LOC128092252: variants seen among roughly 807,000 people sequenced by gnomAD.
chr15:50,678,553 C>CAT, the LOC128092252 span, among the ~76,000 whole-genome samples: 3,534 of 147,810 alleles, frequency 0.024, 136 homozygotes, highest in African/African-American at 0.082. Flanking sequence ...CACACACACA[C>CAT]ACATATACAT....
the LOC128092252 span, among the ~76,000 whole-genome samples, chr15:50,677,215 A>C: frequency 6.6e-6 from 1 of 152,080 alleles, no homozygotes; most frequent in Non-Finnish European, 1.5e-5. Flanking sequence ...GAGGGAGTGA[A>C]TAAGCTCTCT....
the LOC128092252 span, among the ~76,000 whole-genome samples, chr15:50,677,037 G>A: frequency 1.3e-5 from 2 of 152,078 alleles, no homozygotes; most frequent in South Asian, 2.1e-4. Context: ...TGTCTTAGTC[G>A]GCTTGGGATG....
At chr15:50,649,426 AG>A in the LOC128092252 span, among the ~76,000 whole-genome samples, 1 of 150,514 alleles carries the variant, frequency 6.6e-6, no homozygotes. Flanking sequence ...AGAACAAGCA[AG>A]ACCCCAACTC....
chr15:50,656,499 CTT>C, the LOC128092252 span, among the ~76,000 whole-genome samples: 85 of 133,446 alleles, frequency 6.4e-4, no homozygotes, highest in South Asian at 3.4e-3. Context: ...GTGTGGTTTT[CTT>C]TTTTTTTTTT....
the LOC128092252 span, among the ~76,000 whole-genome samples, chr15:50,653,517 T>C: frequency 6.6e-6 from 1 of 152,134 alleles, no homozygotes; most frequent in Non-Finnish European, 1.5e-5. Flanking sequence ...GAGATAACTG[T>C]TTCAGGCATT....
the LOC128092252 span, among the ~76,000 whole-genome samples, chr15:50,664,549 A>C: frequency 6.6e-6 from 1 of 152,212 alleles, no homozygotes; most frequent in Non-Finnish European, 1.5e-5. Flanking sequence ...TATAATCTTA[A>C]ATATGATTAA....
chr15:50,679,538 A>ATATATATATTTT, the LOC128092252 span, among the ~76,000 whole-genome samples: 3 of 43,902 alleles, frequency 6.8e-5, no homozygotes, highest in African/African-American at 3.2e-4. Context: ...ATATATATAT[A>ATATATATATTTT]TTTTTTTTTT....
chr15:50,669,425 ACT>A, the LOC128092252 span, among the ~76,000 whole-genome samples: 33 of 151,840 alleles, frequency 2.2e-4, no homozygotes, highest in African/African-American at 7.7e-4. Flanking sequence ...ACAGAGTGAG[ACT>A]CTGTCTCAAA....
chr15:50,680,921 AAACAGTATTGAC>A, the LOC128092252 span, among the ~76,000 whole-genome samples: 2 of 152,166 alleles, frequency 1.3e-5, no homozygotes, highest in African/African-American at 4.8e-5. Flanking sequence ...ATAATGGAGA[AAACAGTATTGAC>A]ATCACAGAAT....
chr15:50,649,164 G>A, the LOC128092252 span, among the ~76,000 whole-genome samples: 4 of 152,074 alleles, frequency 2.6e-5, no homozygotes, highest in East Asian at 1.9e-4. Flanking sequence ...TATTTACACC[G>A]GCTGTGGCTC....
At chr15:50,679,501 GTATATATATAATATATA>G in the LOC128092252 span, among the ~76,000 whole-genome samples, 1 of 84,626 alleles carries the variant, frequency 1.2e-5, no homozygotes, top group African/African-American at 4.4e-5. Context: ...ATATATATGT[GTATATATATAATATATA>G]TATATATATA....
the LOC128092252 span, among the ~76,000 whole-genome samples, chr15:50,663,310 A>T: frequency 6.6e-6 from 1 of 152,140 alleles, no homozygotes; most frequent in East Asian, 1.9e-4. Context: ...GTATTTTTTT[A>T]GTAGAGATGG....
the LOC128092252 span, among the ~76,000 whole-genome samples, chr15:50,672,761 T>C: frequency 2.0e-5 from 3 of 151,498 alleles, no homozygotes; most frequent in East Asian, 5.8e-4. Flanking sequence ...AATATAAAAA[T>C]TAGCCAAGTG....
the LOC128092252 span, among the ~76,000 whole-genome samples, chr15:50,656,160 A>G: frequency 2.6e-5 from 4 of 151,428 alleles, no homozygotes; most frequent in African/African-American, 9.7e-5. Context: ...GCTGCACTAT[A>G]TGAAATGCTA....
At chr15:50,653,281 T>C in the LOC128092252 span, among the ~76,000 whole-genome samples, 2 of 152,192 alleles carry the variant, frequency 1.3e-5, no homozygotes, top group Non-Finnish European at 2.9e-5. Context: ...TGAGACCCCG[T>C]TCTCCACAAA....
the LOC128092252 span, among the ~76,000 whole-genome samples, chr15:50,666,557 A>G: frequency 6.6e-6 from 1 of 152,138 alleles, no homozygotes; most frequent in Admixed American, 6.6e-5. Context: ...TAATCCCAGC[A>G]CTTTGGGAGG....
the LOC128092252 span, among the ~76,000 whole-genome samples, chr15:50,670,916 G>A: frequency 6.6e-6 from 1 of 152,046 alleles, no homozygotes; most frequent in Non-Finnish European, 1.5e-5. Context: ...GCTCTTGCCT[G>A]TAATCTTAGC....
At chr15:50,672,973 A>G in the LOC128092252 span, among the ~76,000 whole-genome samples, 1 of 151,504 alleles carries the variant, frequency 6.6e-6, no homozygotes, top group South Asian at 2.1e-4. Flanking sequence ...CAGCTGTACA[A>G]TGTGTTTTAT....
the LOC128092252 span, among the ~76,000 whole-genome samples, chr15:50,652,926 C>T: frequency 1.3e-5 from 2 of 152,248 alleles, no homozygotes; most frequent in Admixed American, 6.5e-5. Flanking sequence ...CTTTGAGAGG[C>T]CAAAGTGGAA....
Sources: allele counts gnomAD v4.1 joint callset (sites outside exome capture counted in the v4.1 genomes callset), GRCh38; gene constraint gnomAD v4.1.1; transcripts MANE v1.5.